Variants in ATP5F1D observed in about 807,000 individuals in gnomAD.
The protein encoded by ATP5F1D is ATP synthase F(1) complex subunit delta, mitochondrial.
Under a neutral mutation model 13.0 loss-of-function variants are expected in ATP5F1D, and 16 were observed. The ratio of observed to expected loss-of-function variants is 1.23; its 90% CI spans 0.83 to 1.87. The LOEUF (loss-of-function observed/expected upper bound fraction) is 1.87, where lower values mean the gene tolerates loss of function less well. Among genes scored for constraint, ATP5F1D ranks in the 40% most tolerant of loss-of-function variants. ATP5F1D has a pLI of 0.00. For missense variants in ATP5F1D, 294 were observed against 246.2 expected (o/e 1.19, Z -1.30); for synonymous variants, 129 against 116.2 (o/e 1.11, Z -0.71).
At position 1,244,125 on chromosome 19, in the gene ATP5F1D, C is replaced by T. The variant is rs757477516; in HGVS notation, c.324C>T (p.Ala108=). The change falls in exon 3 of 4, where the codon GCC becomes GCT. Residue 108 remains alanine (A), a synonymous_variant. Coordinates refer to ENST00000215375, the MANE Select transcript of ATP5F1D (RefSeq NM_001687.5). The stretch of plus-strand genomic sequence containing the variant: ...GCAGCGGTTCCATCGCAGTGAACGC[C>T]GACTCTTCGGTGCAGTTGTTGGCCG... The part of the protein sequence containing the change: ...FVSSGSIAVN[A]DSSVQLLAEE... 39 of 1,611,710 alleles carry T rather than the reference C, an allele frequency of 2.4e-5. No individual in the cohort carries two copies. The highest frequency in any genetic ancestry group is 1.6e-4 in the Middle Eastern group (1 of 6,080).
intron 1 of ATP5F1D, chr19:1,242,244 G>A: frequency 1.3e-6 from 1 of 763,386 alleles, no homozygotes; most frequent in South Asian, 3.5e-5. Context: ...GGGTGTCGCC[G>A]GATCGTTGCA....
rs2081037893 is a variant in ATP5F1D, at chr19:1,241,776, C to A, written c.-75C>A. 2 of 1,267,038 alleles carry A rather than the reference C, an allele frequency of 1.6e-6. No homozygotes were observed. Among genetic ancestry groups the A allele is most frequent in the East Asian group, 3.5e-5 (1 of 28,820 alleles). 78.5% of individuals were successfully genotyped at this position (1,267,038 alleles called of 1,614,324 possible). A position where few individuals can be genotyped will look rare whatever the true frequency, so the allele number is the denominator to read the frequency against. ...AGACGTCCCTGCGCGTCGTCCTCCT[C>A]GCCCTCCAGGCCGCCCGCGCCGCGC... On this transcript the variant is annotated 5_prime_UTR_variant, in exon 1 of 4. Coordinates refer to ENST00000215375, the MANE Select transcript of ATP5F1D (RefSeq NM_001687.5).
chr19:1,242,503 G>GACCGGAGCCT lies in ATP5F1D; in HGVS notation c.190_199dup (p.Phe67TyrfsTer83). 1 of 1,555,638 alleles carries GACCGGAGCCT rather than the reference G, an allele frequency of 6.4e-7. No individual in the cohort carries two copies. The highest frequency in any genetic ancestry group is 8.7e-7 in the Non-Finnish European group (1 of 1,150,198). The stretch of plus-strand genomic sequence containing the variant: ...TCCGGCAGGTGGACGTGCCCACGCT[G>GACCGGAGCCT]ACCGGAGCCTTCGGCATCCTGGCGG... On this transcript the variant is annotated frameshift_variant, in exon 2 of 4. Transcript: ENST00000215375. LOFTEE classifies it high-confidence loss of function.
chr19:1,242,670 C>T (rs2081043717), intron 2 of ATP5F1D, 61 bp downstream of exon 2: 3 of 1,412,186 alleles, frequency 2.1e-6, no homozygotes, highest in South Asian at 3.0e-5. Context: ...CCAGGTCAGT[C>T]TCCGTCTCAG....
Position 1,244,134 on chromosome 19 carries a change from G to A in ATP5F1D, c.333G>A (p.Ser111=), listed in dbSNP as rs374953461. ...SGSIAVNADS[S]VQLLAEEAVT... ...CCATCGCAGTGAACGCCGACTCTTC[G>A]GTGCAGTTGTTGGCCGAAGAGGCCG... Residue 111 remains serine, a synonymous_variant, in exon 3 of 4, where the codon TCG becomes TCA. Coordinates refer to ENST00000215375, the MANE Select transcript of ATP5F1D (RefSeq NM_001687.5). The A allele has an allele frequency of 1.4e-5, 23 of 1,612,150 alleles. No individual in the cohort carries two copies. The highest frequency in any genetic ancestry group is 1.9e-5 in the Non-Finnish European group (22 of 1,179,344).
At chr19:1,243,699 T>A (rs911787733) in intron 2 of ATP5F1D, among the ~76,000 whole-genome samples, 12 of 152,140 alleles carry the variant, frequency 7.9e-5, no homozygotes, top group African/African-American at 2.4e-4. Flanking sequence ...GCTGATCAGA[T>A]TAGGGGAGGA....
In ATP5F1D at chr19:1,241,995, C is replaced by T. The variant is rs751825582; in HGVS notation, c.141+4C>T. Reference sequence around the variant, plus strand: ...CACCTTCGCCTCTCCCACGCAGGTTCGGGCGCTGCGGGTCGGGACCCTCCG... The same window carrying T: ...CACCTTCGCCTCTCCCACGCAGGTTTGGGCGCTGCGGGTCGGGACCCTCCG... On this transcript the variant is annotated splice_donor_region_variant and intron_variant, in intron 1 of 3. Coordinates refer to ENST00000215375, the MANE Select transcript of ATP5F1D (RefSeq NM_001687.5). 1.2e-5 allele frequency: 17 copies of T among 1,436,478 alleles called. No homozygotes were observed. Among genetic ancestry groups the T allele is most frequent in the Admixed American group, 5.0e-5 (2 of 39,734 alleles). 89.0% of individuals were successfully genotyped at this position (1,436,478 alleles called of 1,614,324 possible).
chr19:1,241,828 G>T lies in ATP5F1D; in HGVS notation c.-23G>T, dbSNP rs1599959467. ...GGAGTCCGCTGTCCGCCAGCTACCC[G>T]CTTCCTGCCGCCCGCCGCTGCCATG... On this transcript the variant is annotated 5_prime_UTR_variant, in exon 1 of 4. Coordinates refer to ENST00000215375, the MANE Select transcript of ATP5F1D (RefSeq NM_001687.5). The T allele has an allele frequency of 7.6e-7, 1 of 1,318,512 alleles. No homozygotes were observed. Among genetic ancestry groups the T allele is most frequent in the Non-Finnish European group, 9.6e-7 (1 of 1,038,946 alleles). 81.7% of individuals were successfully genotyped at this position (1,318,512 alleles called of 1,614,324 possible). A position where few individuals can be genotyped will look rare whatever the true frequency, so the allele number is the denominator to read the frequency against.
chr19:1,244,046 G>A (rs1054297553), intron 2 of ATP5F1D, 51 bp from the exon 3 acceptor site: 30 of 1,552,346 alleles, frequency 1.9e-5, no homozygotes, highest in Non-Finnish European at 2.5e-5. Context: ...AGTCCCTGAG[G>A]CTGTGCAGCC....
At position 1,244,132 on chromosome 19, in the gene ATP5F1D, T is replaced by G; in HGVS notation, c.331T>G (p.Ser111Ala). 6.2e-7 allele frequency: 1 copy of G among 1,612,234 alleles called. No homozygotes were observed. Residue 111 changes from serine (S) to alanine (A), a missense_variant, in exon 3 of 4, where the codon TCG becomes GCG. By Grantham distance (99) the Ser-to-Ala change is moderately conservative (BLOSUM62 1). Coordinates refer to ENST00000215375, the MANE Select transcript of ATP5F1D (RefSeq NM_001687.5). Reference protein sequence around the residue: ...SGSIAVNADSSVQLLAEEAVT... With the variant: ...SGSIAVNADSAVQLLAEEAVT... ...TTCCATCGCAGTGAACGCCGACTCT[T>G]CGGTGCAGTTGTTGGCCGAAGAGGC... is the stretch of plus-strand genomic sequence containing the variant.
At position 1,241,826 on chromosome 19, in the gene ATP5F1D, C is replaced by T. The variant is rs2081038343; in HGVS notation, c.-25C>T. On this transcript the variant is annotated 5_prime_UTR_variant, in exon 1 of 4. Transcript: ENST00000215375. ...CCGGAGTCCGCTGTCCGCCAGCTAC[C>T]CGCTTCCTGCCGCCCGCCGCTGCCA... 3.8e-6 allele frequency: 5 copies of T among 1,318,670 alleles called. No homozygotes were observed. The highest frequency in any genetic ancestry group is 2.1e-5 in the South Asian group (1 of 48,120). 81.7% of individuals were successfully genotyped at this position (1,318,670 alleles called of 1,614,324 possible). A position where few individuals can be genotyped will look rare whatever the true frequency, so the allele number is the denominator to read the frequency against.
In ATP5F1D at chr19:1,244,583, G is replaced by GC; in HGVS notation, c.*150dup. 2.3e-6 allele frequency: 3 copies of GC among 1,277,570 alleles called. No homozygotes were observed. The highest frequency in any genetic ancestry group is 3.2e-6 in the Non-Finnish European group (3 of 943,158). The allele number at this position is 1,277,570 out of a possible 1,614,324, so 79.1% of individuals were successfully genotyped here. On this transcript the variant is annotated 3_prime_UTR_variant, in exon 4 of 4. Coordinates refer to ENST00000215375, the MANE Select transcript of ATP5F1D (RefSeq NM_001687.5). ...GAGGGCAGTGCAGGCTTCTGCCTGG[G>GC]CCCCAGGCCCTGCCTGTGTTGAAAG...
intron 2 of ATP5F1D, chr19:1,243,173 G>A (rs899051015): frequency 6.6e-6 from 1 of 152,548 alleles, no homozygotes; most frequent in Non-Finnish European, 1.5e-5. Flanking sequence ...CCTGCTCTCA[G>A]CCGGTTTATG....
Position 1,242,548 on chromosome 19 carries a change from G to A in ATP5F1D, c.234G>A (p.Gln78=). 1.3e-6 allele frequency: 2 copies of A among 1,547,220 alleles called. No homozygotes were observed. Among genetic ancestry groups the A allele is most frequent in the Non-Finnish European group, 1.7e-6 (2 of 1,145,176 alleles). The change falls in exon 2 of 4, where the codon CAG becomes CAA. Residue 78 remains glutamine (Q), a synonymous_variant. Coordinates refer to ENST00000215375, the MANE Select transcript of ATP5F1D (RefSeq NM_001687.5). ...GILAAHVPTL[Q]VLRPGLVVVH... ...TGGCGGCCCACGTGCCCACGCTGCA[G>A]GTCCTGCGGCCGGGGCTGGTCGTGG... is the stretch of plus-strand genomic sequence containing the variant.
At chr19:1,242,240 C>T (rs2081041117) in intron 1 of ATP5F1D, 3 of 764,364 alleles carry the variant, frequency 3.9e-6, no homozygotes, top group Non-Finnish European at 5.5e-6. Flanking sequence ...GCCTGGGTGT[C>T]GCCGGATCGT....
At position 1,244,307 on chromosome 19, in the gene ATP5F1D, C is replaced by A; in HGVS notation, c.385-8C>A. 1 of 1,592,396 alleles carries A rather than the reference C, an allele frequency of 6.3e-7. No homozygotes were observed. Among genetic ancestry groups the A allele is most frequent in the East Asian group, 2.3e-5 (1 of 43,958 alleles). ...GCTGGCCCCTCACCGCCCCTCAACC[C>A]CTTGCAGGCAGCCAAGGCAAACTTG... is the stretch of plus-strand genomic sequence containing the variant. On this transcript the variant is annotated splice_region_variant and splice_polypyrimidine_tract_variant and intron_variant, in intron 3 of 3. Coordinates refer to ENST00000215375, the MANE Select transcript of ATP5F1D (RefSeq NM_001687.5).
chr19:1,243,678 A>T (rs1344924423), intron 2 of ATP5F1D, among the ~76,000 whole-genome samples: 6 of 152,096 alleles, frequency 3.9e-5, no homozygotes, highest in Admixed American at 3.9e-4. Context: ...TCAAAAAACC[A>T]TGTTGGGAGG....
At chr19:1,242,129 T>G in intron 1 of ATP5F1D, 138 bp downstream of exon 1, 1 of 1,132,576 alleles carries the variant, frequency 8.8e-7, no homozygotes, top group Non-Finnish European at 1.1e-6. Context: ...CCCTGGACCC[T>G]CGGCCCTGCC....
chr19:1,244,778 G>T lies in ATP5F1D; in HGVS notation c.*341G>T. ...TGACCTCAGCTTCGGAGCCACCTCTGGATGAACTGCCCCCAGCCCCCGCCC... is the reference window on the plus strand; with the variant it reads ...TGACCTCAGCTTCGGAGCCACCTCTTGATGAACTGCCCCCAGCCCCCGCCC... On this transcript the variant is annotated 3_prime_UTR_variant, in exon 4 of 4. Transcript: ENST00000215375. 3.7e-6 allele frequency: 1 copy of T among 269,490 alleles called. No homozygotes were observed. Among genetic ancestry groups the T allele is most frequent in the South Asian group, 5.4e-5 (1 of 18,634 alleles). The allele number at this position is 269,490 out of a possible 1,614,324, so 16.7% of individuals were successfully genotyped here. A position where few individuals can be genotyped will look rare whatever the true frequency, so the allele number is the denominator to read the frequency against.
Sources: allele counts gnomAD v4.1 joint callset (sites outside exome capture counted in the v4.1 genomes callset), GRCh38; gene constraint gnomAD v4.1.1; transcripts MANE v1.5; gene names NCBI Gene and HGNC (gene_info 2026-07-23, HGNC 2026-07-21).